CACNA1C: variants seen among roughly 807,000 people sequenced by gnomAD.
CACNA1C encodes the protein calcium voltage-gated channel subunit alpha1 C.
Under a neutral mutation model 229.0 loss-of-function variants are expected in CACNA1C, and 30 were observed. The ratio of observed to expected loss-of-function variants is 0.13; its 90% confidence interval spans 0.10 to 0.18. The LOEUF is 0.18. CACNA1C is among the 10% of genes least tolerant of loss of function. The probability of loss-of-function intolerance (pLI) is 1.00; values close to 1 mark genes in which losing one functional copy is unlikely to be tolerated. For missense variants in CACNA1C, 1,658 were observed against 2,845.0 expected, an observed-to-expected ratio of 0.58 and a Z score of 9.49; for synonymous variants, 1,114 against 1,132.5, an observed-to-expected ratio of 0.98 and a Z score of 0.33.
In CACNA1C at chr12:2,630,741, G is replaced by A. The variant is rs1186200542; in HGVS notation, c.3829-3556G>A. On this transcript the variant is annotated intron_variant, in intron 29 of 46. Coordinates refer to ENST00000399655, the MANE Select transcript of CACNA1C (RefSeq NM_000719.7). The surrounding 1 kb of genome is among the most constrained non-coding windows in gnomAD (Gnocchi z 5.4). ...GGAAATCCCCCAGGGCTGGGGCACA[G>A]GAGCTCTCAGCGACAAGGAACCTGG... Among the ~76,000 whole-genome samples, 1 of 152,198 alleles carries A rather than the reference G, an allele frequency of 6.6e-6. No individual in the cohort carries two copies. Among genetic ancestry groups the A allele is most frequent in the Non-Finnish European group, 1.5e-5 (1 of 68,022 alleles).
intron 3 of CACNA1C, among the ~76,000 whole-genome samples, chr12:2,324,539 G>A (rs1021116175): frequency 6.6e-6 from 1 of 152,314 alleles, no homozygotes; most frequent in Non-Finnish European, 1.5e-5. Flanking sequence ...GGAGCTGCCC[G>A]GGCCCCGCCT....
At position 2,354,031 on chromosome 12, in the gene CACNA1C, A is replaced by C. The variant is rs1211155840; in HGVS notation, c.478-94945A>C. Reference sequence around the variant, plus strand: ...TTAGAGGAAGGAGAATCTGGAGACAAATGCCTGCCCAGCGACCACTGCAGG... The same window carrying C: ...TTAGAGGAAGGAGAATCTGGAGACACATGCCTGCCCAGCGACCACTGCAGG... On this transcript the variant is annotated intron_variant, in intron 3 of 46. Transcript: ENST00000399655. The surrounding 1 kb of genome is among the most constrained non-coding windows in gnomAD (Gnocchi z 4.6). Among the ~76,000 whole-genome samples, 1 of 152,144 alleles carries C rather than the reference A, an allele frequency of 6.6e-6. No individual in the cohort carries two copies. The highest frequency in any genetic ancestry group is 6.5e-5 in the Admixed American group (1 of 15,272).
intron 3 of CACNA1C, among the ~76,000 whole-genome samples, chr12:2,124,912 G>A (rs1262064766): frequency 6.6e-6 from 1 of 152,116 alleles, no homozygotes; most frequent in Admixed American, 6.5e-5. Flanking sequence ...GTCGACAGGA[G>A]CCTGCAACCC....
intron 3 of CACNA1C, among the ~76,000 whole-genome samples, chr12:2,373,928 C>A (rs765383774): frequency 6.6e-6 from 1 of 152,164 alleles, no homozygotes; most frequent in African/African-American, 2.4e-5. Context: ...AGGGATATTC[C>A]GAATTCCTTT....
intron 3 of CACNA1C, among the ~76,000 whole-genome samples, chr12:2,250,825 C>T (rs559731368): frequency 1.2e-3 from 177 of 152,302 alleles, no homozygotes; most frequent in African/African-American, 4.2e-3. Flanking sequence ...GTGGAGATGA[C>T]GACAAGCCAC....
At chr12:2,425,626 A>G (rs1214576047) in intron 3 of CACNA1C, among the ~76,000 whole-genome samples, 3 of 152,194 alleles carry the variant, frequency 2.0e-5, no homozygotes, top group Non-Finnish European at 4.4e-5. Flanking sequence ...TTTACAATAT[A>G]ACCTTTTGCA....
intron 3 of CACNA1C, among the ~76,000 whole-genome samples, chr12:2,425,973 G>A (rs2099027490): frequency 6.6e-6 from 1 of 152,184 alleles, no homozygotes; most frequent in African/African-American, 2.4e-5. Context: ...TGGTATTCTT[G>A]TTGGGGGAAC....
chr12:1,982,247 A>C (rs1421135071), intron 1 of CACNA1C, among the ~76,000 whole-genome samples: 1 of 152,168 alleles, frequency 6.6e-6, no homozygotes, highest in Non-Finnish European at 1.5e-5. Context: ...TTAAATTTAC[A>C]GTTTAAAATA....
At position 2,646,787 on chromosome 12, in the gene CACNA1C, A is replaced by T. The variant is rs536704630; in HGVS notation, c.3913-1688A>T. 4.1e-3 allele frequency among the ~76,000 whole-genome samples: 560 copies of T among 137,722 alleles called. 3 individuals carry two copies. Among genetic ancestry groups the T allele is most frequent in the African/African-American group, 0.016 (538 of 34,560 alleles). The allele number at this position is 137,722 out of a possible 152,430, so 90.4% of individuals were successfully genotyped here. On this transcript the variant is annotated intron_variant, in intron 30 of 46. Transcript: ENST00000399655. The surrounding 1 kb of genome is among the most constrained non-coding windows in gnomAD (Gnocchi z 4.6). ...GAGAGAAAGAGAGAGAGAGAGAGAGAGAGTGTGTGTGTGCGCGTGTGTGTG... is the reference window on the plus strand; with the variant it reads ...GAGAGAAAGAGAGAGAGAGAGAGAGTGAGTGTGTGTGTGCGCGTGTGTGTG...
chr12:2,344,465 A>T (rs1055521750), intron 3 of CACNA1C, among the ~76,000 whole-genome samples: 1 of 152,116 alleles, frequency 6.6e-6, no homozygotes, highest in Admixed American at 6.6e-5. Context: ...TTCTCTTATT[A>T]GGGGCATTTG....
chr12:2,072,203 T>A (rs777645499), intron 1 of CACNA1C, among the ~76,000 whole-genome samples: 18 of 150,868 alleles, frequency 1.2e-4, no homozygotes, highest in East Asian at 5.8e-4. Context: ...ATACAAAAAA[T>A]ATATATATAT....
intron 3 of CACNA1C, among the ~76,000 whole-genome samples, chr12:2,239,871 G>A (rs990359355): frequency 3.3e-5 from 5 of 152,202 alleles, no homozygotes; most frequent in Non-Finnish European, 5.9e-5. Flanking sequence ...GGGAGGGCTG[G>A]CCCACGTGAT....
At chr12:2,531,283 TGGTAACC>T (rs1016374976) in intron 9 of CACNA1C, among the ~76,000 whole-genome samples, 4 of 152,114 alleles carry the variant, frequency 2.6e-5, no homozygotes, top group African/African-American at 9.7e-5. Flanking sequence ...GGCAAGCACA[TGGTAACC>T]CCCCAGAATC....
chr12:2,110,656 C>T (rs1302893941), intron 1 of CACNA1C, among the ~76,000 whole-genome samples: 1 of 152,188 alleles, frequency 6.6e-6, no homozygotes, highest in Non-Finnish European at 1.5e-5. Flanking sequence ...GGATTTTCCA[C>T]TCCTGGGAGT....
At chr12:2,246,764 C>T (rs1365933615) in intron 3 of CACNA1C, among the ~76,000 whole-genome samples, 1 of 152,194 alleles carries the variant, frequency 6.6e-6, no homozygotes, top group Non-Finnish European at 1.5e-5. Flanking sequence ...CTGGTCCACA[C>T]CGCTGCCTGG....
At chr12:2,117,755 C>T (rs1170263450) in intron 2 of CACNA1C, among the ~76,000 whole-genome samples, 2 of 152,250 alleles carry the variant, frequency 1.3e-5, no homozygotes, top group East Asian at 1.9e-4. Context: ...GGACCTGGAT[C>T]CGGGCCTAAC....
At chr12:2,039,821 G>A (rs1391989616) in intron 1 of CACNA1C, among the ~76,000 whole-genome samples, 2 of 151,630 alleles carry the variant, frequency 1.3e-5, no homozygotes, top group Admixed American at 6.5e-5. Flanking sequence ...GGGCCATAGG[G>A]GTGAGCATCC....
rs566810819 is a variant in CACNA1C, at chr12:2,321,699, C to T, written c.478-127277C>T. ...GTAAAGTCATATGGGCTGGGAGGTG[C>T]GGGCTCTGAGAAGGTGACATTTGAG... On this transcript the variant is annotated intron_variant, in intron 3 of 46. Coordinates refer to ENST00000399655, the MANE Select transcript of CACNA1C (RefSeq NM_000719.7). Among the ~76,000 whole-genome samples, 6 of 152,178 alleles carry T rather than the reference C, an allele frequency of 3.9e-5. No individual in the cohort carries two copies. The South Asian group carries it at 1.0e-3, about 26-fold the overall frequency.
chr12:2,479,473 A>C lies in CACNA1C; in HGVS notation c.758-6631A>C, dbSNP rs60020121. Among the ~76,000 whole-genome samples, 4,921 of 152,254 alleles carry C rather than the reference A, an allele frequency of 0.032. 283 individuals are homozygous for C. Among genetic ancestry groups the C allele is most frequent in the African/African-American group, 0.11 (4,655 of 41,530 alleles). ...TAGCGAAGCTTAGAATTTGCCCACCATCTAGTGACTCTTTTTGTTTGGATT... is the reference window on the plus strand; with the variant it reads ...TAGCGAAGCTTAGAATTTGCCCACCCTCTAGTGACTCTTTTTGTTTGGATT... On this transcript the variant is annotated intron_variant, in intron 5 of 46. Coordinates refer to ENST00000399655, the MANE Select transcript of CACNA1C (RefSeq NM_000719.7). The surrounding 1 kb of genome is among the most constrained non-coding windows in gnomAD (Gnocchi z 4.3).
Sources: gnomAD v4.1 joint callset for allele counts (sites outside exome capture counted in the v4.1 genomes callset) on GRCh38, gnomAD v4.1.1 for gene constraint, Gnocchi (gnomAD v3.1) non-coding constraint, MANE v1.5 for transcripts, NCBI Gene and HGNC (gene_info 2026-07-23, HGNC 2026-07-21) for gene names.